OSBPL3: variants seen among roughly 807,000 people sequenced by gnomAD.
OSBPL3 encodes the protein oxysterol-binding protein-related protein 3.
A neutral mutation model predicts 120.1 loss-of-function variants in OSBPL3; 65 were observed. The observed-to-expected ratio is 0.54, with a 90% confidence interval of 0.44 to 0.67. The LOEUF (loss-of-function observed/expected upper bound fraction) is 0.67, where lower values mean the gene tolerates loss of function less well. Ranked by LOEUF, OSBPL3 falls within the 30% of genes least tolerant of loss-of-function variation. The pLI is 0.00. For missense variants in OSBPL3, 1,004 were observed against 1,082.1 expected, an observed-to-expected ratio of 0.93 and a Z score of 1.01; for synonymous variants, 416 against 402.6, an observed-to-expected ratio of 1.03 and a Z score of -0.40.
At chr7:24,910,941 C>T (rs1808734653) in intron 1 of OSBPL3, among the ~76,000 whole-genome samples, 1 of 152,156 alleles carries the variant, frequency 6.6e-6, no homozygotes, top group African/African-American at 2.4e-5. Context: ...AAGCCTGGTG[C>T]CATTTCATAC....
In OSBPL3 at chr7:24,865,338, C is replaced by T. The variant is rs771655291; in HGVS notation, c.673+4G>A. On this transcript the variant is annotated splice_donor_region_variant and intron_variant, in intron 7 of 22. Transcript: ENST00000313367. ...CAGAAAGCAGACGTTTCAAGTCACT[C>T]TACCTTTGGAGCATTTTTCCATGTC... 30 of 1,613,624 alleles carry T rather than the reference C, an allele frequency of 1.9e-5. No homozygotes were observed. Among genetic ancestry groups the T allele is most frequent in the Non-Finnish European group, 6.8e-6 (8 of 1,179,816 alleles).
At chr7:24,869,386 T>G (rs551905679) in intron 5 of OSBPL3, among the ~76,000 whole-genome samples, 2 of 152,238 alleles carry the variant, frequency 1.3e-5, no homozygotes, top group Non-Finnish European at 2.9e-5. Flanking sequence ...TAGTGGAGAC[T>G]GATCAATGAA....
At chr7:24,807,008 G>T in intron 20 of OSBPL3, 106 bp from the exon 21 acceptor site, 1 of 901,228 alleles carries the variant, frequency 1.1e-6, no homozygotes, top group Non-Finnish European at 1.7e-6. Flanking sequence ...TTCTCTCTCA[G>T]CTCCCTTCCA....
chr7:24,887,420 G>C (rs1419900406), intron 2 of OSBPL3, among the ~76,000 whole-genome samples: 3 of 152,196 alleles, frequency 2.0e-5, no homozygotes, highest in Admixed American at 6.5e-5. Context: ...TCTGCTTCCA[G>C]AACTGGCCAA....
Position 24,930,685 on chromosome 7 carries a change from T to C in OSBPL3, c.-149-38064A>G, listed in dbSNP as rs1811684611. ...AACCTCTTAAAAAATTTAATGAAAG[T>C]TATGGTCCAGTCTTTCCAGAAATGA... On this transcript the variant is annotated intron_variant, in intron 1 of 22. Transcript: ENST00000313367. The surrounding 1 kb of genome is among the most constrained non-coding windows in gnomAD (Gnocchi z 4.4). Among the ~76,000 whole-genome samples the C allele has an allele frequency of 2.0e-5, 3 of 152,152 alleles. 1 individual carries two copies. The highest frequency in any genetic ancestry group is 7.2e-5 in the African/African-American group (3 of 41,436).
chr7:24,896,845 C>T lies in OSBPL3; in HGVS notation c.-149-4224G>A, dbSNP rs1806205191. On this transcript the variant is annotated intron_variant, in intron 1 of 22. Coordinates refer to ENST00000313367, the MANE Select transcript of OSBPL3 (RefSeq NM_015550.4). This position sits in a 1 kb window ranked among gnomAD's most constrained non-coding sequence, Gnocchi z 4.4. ...CCAGCAATTTAGGAGGTGGACGCGACTGGATTACTTGAGGTCAGGAGTTCA... is the reference window on the plus strand; with the variant it reads ...CCAGCAATTTAGGAGGTGGACGCGATTGGATTACTTGAGGTCAGGAGTTCA... Among the ~76,000 whole-genome samples the T allele has an allele frequency of 6.6e-6, 1 of 152,074 alleles. No homozygotes were observed. The highest frequency in any genetic ancestry group is 2.4e-5 in the African/African-American group (1 of 41,376).
chr7:24,863,293 CT>C lies in OSBPL3; in HGVS notation c.778-2del. 1 of 1,613,112 alleles carries C rather than the reference CT, an allele frequency of 6.2e-7. No homozygotes were observed. Among genetic ancestry groups the C allele is most frequent in the Non-Finnish European group, 8.5e-7 (1 of 1,179,138 alleles). ...TTTTGGGACTTTCAAAAGATCCACC[CT>C]TTGTTTCAAAACAGGAAAGAGAGCA... On this transcript the variant is annotated splice_acceptor_variant, in intron 8 of 22. Transcript: ENST00000313367. LOFTEE classifies it high-confidence loss of function. The surrounding 1 kb of genome is among the most constrained non-coding windows in gnomAD (Gnocchi z 5.8).
chr7:24,815,302 TA>T lies in OSBPL3; in HGVS notation c.2028-100del. 1.1e-6 allele frequency: 1 copy of T among 892,758 alleles called. No homozygotes were observed. Among genetic ancestry groups the T allele is most frequent in the South Asian group, 1.5e-5 (1 of 64,890 alleles). The allele number at this position is 892,758 out of a possible 1,614,324, so 55.3% of individuals were successfully genotyped here. ...TTATAAAATAAGTCATGCAATGCAT[TA>T]TTCATCTCTTTATTCACAGAAGCAA... is the stretch of plus-strand genomic sequence containing the variant. On this transcript the variant is annotated intron_variant, in intron 18 of 22. Transcript: ENST00000313367. The surrounding 1 kb of genome is among the most constrained non-coding windows in gnomAD (Gnocchi z 5.1).
chr7:24,906,358 C>A, intron 1 of OSBPL3: 1 of 240,600 alleles, frequency 4.2e-6, no homozygotes, highest in Non-Finnish European at 8.6e-6. Flanking sequence ...GGGAGACTTG[C>A]GAGGAGGTGG....
chr7:24,905,972 C>G (rs953367809), intron 1 of OSBPL3, among the ~76,000 whole-genome samples: 2 of 152,140 alleles, frequency 1.3e-5, no homozygotes, highest in Non-Finnish European at 2.9e-5. Context: ...GCAGATGTTG[C>G]TGTGAGCTGA....
At chr7:24,864,881 ATTAT>A (rs1158801934) in intron 7 of OSBPL3, among the ~76,000 whole-genome samples, 2 of 152,132 alleles carry the variant, frequency 1.3e-5, no homozygotes, top group East Asian at 3.8e-4. Context: ...ATTTAAAGAG[ATTAT>A]TTGAGACAGA....
In OSBPL3 at chr7:24,851,038, C is replaced by T. The variant is rs186029114; in HGVS notation, c.1158+1466G>A. Reference sequence around the variant, plus strand: ...CCACAGCCAAATAGGTCTCAGTGGCCAAACAGGCAGATTGACAAGATGAGG... The same window carrying T: ...CCACAGCCAAATAGGTCTCAGTGGCTAAACAGGCAGATTGACAAGATGAGG... On this transcript the variant is annotated intron_variant, in intron 11 of 22. Coordinates refer to ENST00000313367, the MANE Select transcript of OSBPL3 (RefSeq NM_015550.4). This position sits in a 1 kb window ranked among gnomAD's most constrained non-coding sequence, Gnocchi z 4.1. Among the ~76,000 whole-genome samples the T allele has an allele frequency of 6.6e-6, 1 of 152,162 alleles. No individual in the cohort carries two copies. The highest frequency in any genetic ancestry group is 6.5e-5 in the Admixed American group (1 of 15,286).
rs1313527157 is a variant in OSBPL3 at position 24,834,332 on chromosome 7, A to C, written c.1746+154T>G. The C allele has an allele frequency of 2.0e-6, 3 of 1,473,182 alleles. No individual in the cohort carries two copies. The African/African-American group carries it at 4.3e-5, about 21-fold the overall frequency. 91.3% of individuals were successfully genotyped at this position (1,473,182 alleles called of 1,614,324 possible). On this transcript the variant is annotated intron_variant, in intron 15 of 22. Coordinates refer to ENST00000313367, the MANE Select transcript of OSBPL3 (RefSeq NM_015550.4). This position sits in a 1 kb window ranked among gnomAD's most constrained non-coding sequence, Gnocchi z 5.2. ...AAGGTGACTGGAAACAGCCAGGCGGAGGAAGCCAGACAGCTCTGAGTAATG... is the reference window on the plus strand; with the variant it reads ...AAGGTGACTGGAAACAGCCAGGCGGCGGAAGCCAGACAGCTCTGAGTAATG...
At position 24,918,664 on chromosome 7, in the gene OSBPL3, T is replaced by C. The variant is rs189340831; in HGVS notation, c.-149-26043A>G. 1.4e-4 allele frequency among the ~76,000 whole-genome samples: 21 copies of C among 152,356 alleles called. No homozygotes were observed. The East Asian group carries it at 3.9e-3, about 28-fold the overall frequency. On this transcript the variant is annotated intron_variant, in intron 1 of 22. Coordinates refer to ENST00000313367, the MANE Select transcript of OSBPL3 (RefSeq NM_015550.4). This position sits in a 1 kb window ranked among gnomAD's most constrained non-coding sequence, Gnocchi z 4.3. ...ACAAATGTTCACTAATCACTTACCA[T>C]TGGTCAGGCACAGTTTTAGACACTG...
intron 1 of OSBPL3, among the ~76,000 whole-genome samples, chr7:24,974,405 C>T (rs1271724742): frequency 1.3e-5 from 2 of 152,304 alleles, no homozygotes; most frequent in East Asian, 3.9e-4. Context: ...AACGACAACA[C>T]ATTTTGCTGA....
At chr7:24,928,194 G>GTTTTTT (rs58340103) in intron 1 of OSBPL3, among the ~76,000 whole-genome samples, 6 of 135,650 alleles carry the variant, frequency 4.4e-5, no homozygotes, top group Admixed American at 7.5e-5. Context: ...CTTCCTTTTT[G>GTTTTTT]TTTTTTTTTT....
intron 1 of OSBPL3, among the ~76,000 whole-genome samples, chr7:24,923,456 C>G (rs183199844): frequency 4.8e-4 from 73 of 152,316 alleles, no homozygotes; most frequent in African/African-American, 1.7e-3. Context: ...CACACAGGGA[C>G]CTAGGCAGAC....
Position 24,852,463 on chromosome 7 carries a change from GAC to G in OSBPL3, c.1158+39_1158+40del. The G allele has an allele frequency of 4.0e-6, 6 of 1,496,898 alleles. No homozygotes were observed. The highest frequency in any genetic ancestry group is 5.3e-6 in the Non-Finnish European group (6 of 1,124,424). The allele number at this position is 1,496,898 out of a possible 1,614,324, so 92.7% of individuals were successfully genotyped here. A position where few individuals can be genotyped will look rare whatever the true frequency, so the allele number is the denominator to read the frequency against. ...AAATTACAAACCATTCATGAGCCTG[GAC>G]ACATCTCAGGCATTCCTGGAGGCAG... On this transcript the variant is annotated intron_variant, in intron 11 of 22. Transcript: ENST00000313367. This position sits in a 1 kb window ranked among gnomAD's most constrained non-coding sequence, Gnocchi z 4.1.
In OSBPL3 at chr7:24,798,778, C is replaced by A. The variant is rs1165304976; in HGVS notation, c.*1405G>T. On this transcript the variant is annotated 3_prime_UTR_variant, in exon 23 of 23. Transcript: ENST00000313367. The surrounding 1 kb of genome is among the most constrained non-coding windows in gnomAD (Gnocchi z 4.6). ...ATCTCAAAGTGTTTTCTGGAGAAAT[C>A]TTTTTACTACATCATTATACTTGAT... The A allele has an allele frequency of 6.6e-6, 1 of 152,558 alleles. No homozygotes were observed. The highest frequency in any genetic ancestry group is 6.6e-5 in the Admixed American group (1 of 15,264). The allele number at this position is 152,558 out of a possible 1,614,324, so 9.5% of individuals were successfully genotyped here. A position where few individuals can be genotyped will look rare whatever the true frequency, so the allele number is the denominator to read the frequency against.
Sources: allele counts gnomAD v4.1 joint callset (sites outside exome capture counted in the v4.1 genomes callset), GRCh38; gene constraint gnomAD v4.1.1; non-coding constraint Gnocchi (gnomAD v3.1); transcripts MANE v1.5; gene names NCBI Gene and HGNC (gene_info 2026-07-23, HGNC 2026-07-21).